TMEM132A: variants seen among roughly 807,000 people sequenced by gnomAD.
TMEM132A encodes GRP78-binding protein.
TMEM132A carries 48 observed loss-of-function variants against 69.9 expected under a neutral mutation model. The ratio of observed to expected loss-of-function variants is 0.69; its 90% CI spans 0.55 to 0.87. The LOEUF is 0.87. Among genes scored for constraint, TMEM132A ranks in the 40% least tolerant of loss-of-function variants. TMEM132A has a pLI of 0.00. For synonymous variants in TMEM132A, 577 were observed against 613.7 expected, an observed-to-expected ratio of 0.94 and a Z score of 0.88; for missense variants, 1,287 against 1,407.2, an observed-to-expected ratio of 0.91 and a Z score of 1.37.
At position 60,927,237 on chromosome 11, in the gene TMEM132A, A is replaced by G; in HGVS notation, c.134A>G (p.Tyr45Cys). Residue 45 changes from tyrosine to cysteine, a missense_variant, in exon 2 of 11, where the codon TAC becomes TGC. Tyr to Cys is a radical substitution (Grantham distance 194). Transcript: ENST00000453848. Reference protein sequence around the residue: ...DCGQAPLDPVYLPAALELLDA... With the variant: ...DCGQAPLDPVCLPAALELLDA... ...GGCCAGGCTCCCCTGGACCCTGTCTACCTGCCGGCAGCCCTGGAGCTCCTA... is the reference window on the plus strand; with the variant it reads ...GGCCAGGCTCCCCTGGACCCTGTCTGCCTGCCGGCAGCCCTGGAGCTCCTA... The G allele has an allele frequency of 6.2e-7, 1 of 1,613,316 alleles. No individual in the cohort carries two copies. The highest frequency in any genetic ancestry group is 8.5e-7 in the Non-Finnish European group (1 of 1,179,926).
chr11:60,934,498 C>T lies in TMEM132A; in HGVS notation c.1570C>T (p.Pro524Ser). Residue 524 changes from proline (P) to serine (S), a missense_variant, in exon 9 of 11, where the codon CCC becomes TCC. Coordinates refer to ENST00000453848, the MANE Select transcript of TMEM132A (RefSeq NM_178031.3). ...VPGPAEGPAE[P>S]AAEASDEAER... is the part of the protein sequence containing the mutation. ...CTCCCCGCCCTGCAGGCCTGCGGAACCCGCTGCAGAGGCGTCGGATGAGGC... is the reference window on the plus strand; with the variant it reads ...CTCCCCGCCCTGCAGGCCTGCGGAATCCGCTGCAGAGGCGTCGGATGAGGC... 1 of 1,392,206 alleles carries T rather than the reference C, an allele frequency of 7.2e-7. No homozygotes were observed. The highest frequency in any genetic ancestry group is 3.0e-5 in the East Asian group (1 of 33,750). 86.2% of individuals were successfully genotyped at this position (1,392,206 alleles called of 1,614,324 possible). A position where few individuals can be genotyped will look rare whatever the true frequency, so the allele number is the denominator to read the frequency against.
chr11:60,932,037 C>G lies in TMEM132A; in HGVS notation c.1266C>G (p.Pro422=). Reference sequence around the variant, plus strand: ...TGACTGGAGTGCCCCAGCATGTCCCCGTGCGCCTTGTCACTGTGGACGGCG... The same window carrying G: ...TGACTGGAGTGCCCCAGCATGTCCCGGTGCGCCTTGTCACTGTGGACGGCG... The part of the protein sequence containing the change: ...APLTGVPQHV[P]VRLVTVDGGG... Residue 422 remains proline, a synonymous_variant, in exon 7 of 11, where the codon CCC becomes CCG. Coordinates refer to ENST00000453848, the MANE Select transcript of TMEM132A (RefSeq NM_178031.3). 1 of 1,597,692 alleles carries G rather than the reference C, an allele frequency of 6.3e-7. No homozygotes were observed. The highest frequency in any genetic ancestry group is 8.5e-7 in the Non-Finnish European group (1 of 1,172,662).
intron 7 of TMEM132A, 75 bp downstream of exon 7, chr11:60,932,202 T>G: frequency 2.7e-6 from 4 of 1,455,910 alleles, no homozygotes; most frequent in Non-Finnish European, 3.6e-6. Context: ...CTTTCCTCCT[T>G]CCTCATGTGG....
rs1034671267 is a variant in TMEM132A at position 60,927,359 on chromosome 11, C to A, written c.256C>A (p.Pro86Thr). The part of the protein sequence containing the change: ...SRSETFLLLQ[P>T]WPRAQPLLRA... Reference sequence around the variant, plus strand: ...ATCTGAGACCTTTCTGCTCCTACAGCCCTGGCCCAGGGCCCAGCCACTTCT... The same window carrying A: ...ATCTGAGACCTTTCTGCTCCTACAGACCTGGCCCAGGGCCCAGCCACTTCT... Residue 86 changes from proline (P) to threonine (T), a missense_variant, in exon 2 of 11, where the codon CCC (proline) becomes ACC (threonine). Transcript: ENST00000453848. 2.5e-6 allele frequency: 4 copies of A among 1,613,374 alleles called. No homozygotes were observed. The highest frequency in any genetic ancestry group is 3.4e-6 in the Non-Finnish European group (4 of 1,180,018).
Position 60,926,727 on chromosome 11 carries a change from C to T in TMEM132A, c.101-477C>T, listed in dbSNP as rs1336199143. 5 of 234,626 alleles carry T rather than the reference C, an allele frequency of 2.1e-5. No homozygotes were observed. In the Admixed American group the frequency reaches 2.6e-4, roughly 12 times the overall value. The allele number at this position is 234,626 out of a possible 1,614,324, so 14.5% of individuals were successfully genotyped here. ...AGCTTGGAAAGATGGTGCAGGTTGCCATGGCAATGATGGGGGAGGAGGGGT... is the reference window on the plus strand; with the variant it reads ...AGCTTGGAAAGATGGTGCAGGTTGCTATGGCAATGATGGGGGAGGAGGGGT... On this transcript the variant is annotated intron_variant, in intron 1 of 10. Coordinates refer to ENST00000453848, the MANE Select transcript of TMEM132A (RefSeq NM_178031.3).
chr11:60,935,785 CCTATCT>C lies in TMEM132A; in HGVS notation c.2029-76_2029-71del. On this transcript the variant is annotated intron_variant, in intron 10 of 10. Coordinates refer to ENST00000453848, the MANE Select transcript of TMEM132A (RefSeq NM_178031.3). This position sits in a 1 kb window ranked among gnomAD's most constrained non-coding sequence, Gnocchi z 5.0. ...TCTCTCTGGTCTCTCCTCCATGTGGCCTATCTCTGTGGGAGTGGTTTCTCTGTGCAT... is the reference window on the plus strand; with the variant it reads ...TCTCTCTGGTCTCTCCTCCATGTGGCCTGTGGGAGTGGTTTCTCTGTGCAT... The C allele has an allele frequency of 6.7e-7, 1 of 1,503,266 alleles. No homozygotes were observed. The highest frequency in any genetic ancestry group is 1.2e-5 in the South Asian group (1 of 81,086). 93.1% of individuals were successfully genotyped at this position (1,503,266 alleles called of 1,614,324 possible).
chr11:60,935,470 A>G lies in TMEM132A; in HGVS notation c.2028+27A>G. The G allele has an allele frequency of 6.4e-7, 1 of 1,572,876 alleles. No homozygotes were observed. Among genetic ancestry groups the G allele is most frequent in the Non-Finnish European group, 8.6e-7 (1 of 1,157,814 alleles). On this transcript the variant is annotated intron_variant, in intron 10 of 10. Coordinates refer to ENST00000453848, the MANE Select transcript of TMEM132A (RefSeq NM_178031.3). This position sits in a 1 kb window ranked among gnomAD's most constrained non-coding sequence, Gnocchi z 5.0. ...TGACAGTTGGGGGGTCAGGGGGATG[A>G]GGTCAACATCTCCAGATGGGGGCTC...
rs1565124844 is a variant in TMEM132A at position 60,937,120 on chromosome 11, C to G, written c.*213C>G. ...GGCTCATGCCCCTTATTTATGGGAA[C>G]CATTTCATTCTAACAGAATAAACCG... On this transcript the variant is annotated 3_prime_UTR_variant, in exon 11 of 11. Coordinates refer to ENST00000453848, the MANE Select transcript of TMEM132A (RefSeq NM_178031.3). The G allele has an allele frequency of 2.0e-6, 3 of 1,499,814 alleles. No individual in the cohort carries two copies. The highest frequency in any genetic ancestry group is 2.7e-6 in the Non-Finnish European group (3 of 1,120,334). 92.9% of individuals were successfully genotyped at this position (1,499,814 alleles called of 1,614,324 possible). A position where few individuals can be genotyped will look rare whatever the true frequency, so the allele number is the denominator to read the frequency against.
At chr11:60,933,049 A>G (rs1365611032) in intron 7 of TMEM132A, 1 of 152,956 alleles carries the variant, frequency 6.5e-6, no homozygotes, top group Admixed American at 6.5e-5. Context: ...GTAAAATCTT[A>G]AACAAAGAAC....
Position 60,936,233 on chromosome 11 carries a change from A to G in TMEM132A, c.2398A>G (p.Ser800Gly). Residue 800 changes from serine to glycine, a missense_variant, in exon 11 of 11, where the codon AGT (serine) becomes GGT (glycine). Coordinates refer to ENST00000453848, the MANE Select transcript of TMEM132A (RefSeq NM_178031.3). Reference sequence around the variant, plus strand: ...GGGTGGTAAACGGCAGGTGGCAGGCAGTGTCGGGGGCAACACAGGTGTGAG... The same window carrying G: ...GGGTGGTAAACGGCAGGTGGCAGGCGGTGTCGGGGGCAACACAGGTGTGAG... The part of the protein sequence containing the change: ...TMGGKRQVAG[S>G]VGGNTGVRGK... 6.2e-7 allele frequency: 1 copy of G among 1,614,076 alleles called. No individual in the cohort carries two copies.
rs1351147003 is a variant in TMEM132A at position 60,935,211 on chromosome 11, G to C, written c.1837-41G>C. On this transcript the variant is annotated intron_variant, in intron 9 of 10. Transcript: ENST00000453848. This position sits in a 1 kb window ranked among gnomAD's most constrained non-coding sequence, Gnocchi z 5.0. Reference sequence around the variant, plus strand: ...GGTTCCCTCTGGGTGGGGGCTGTCTGTATGGAAGGCCCCCCACCTCCAGCT... The same window carrying C: ...GGTTCCCTCTGGGTGGGGGCTGTCTCTATGGAAGGCCCCCCACCTCCAGCT... The C allele has an allele frequency of 1.3e-6, 2 of 1,551,494 alleles. No individual in the cohort carries two copies. Among genetic ancestry groups the C allele is most frequent in the South Asian group, 1.2e-5 (1 of 85,016 alleles).
At position 60,934,500 on chromosome 11, in the gene TMEM132A, C is replaced by A; in HGVS notation, c.1572C>A (p.Pro524=). 4.3e-6 allele frequency: 6 copies of A among 1,399,496 alleles called. No individual in the cohort carries two copies. Among genetic ancestry groups the A allele is most frequent in the Non-Finnish European group, 5.5e-6 (6 of 1,085,396 alleles). 86.7% of individuals were successfully genotyped at this position (1,399,496 alleles called of 1,614,324 possible). A position where few individuals can be genotyped will look rare whatever the true frequency, so the allele number is the denominator to read the frequency against. Residue 524 remains proline, a synonymous_variant, in exon 9 of 11, where the codon CCC becomes CCA. Coordinates refer to ENST00000453848, the MANE Select transcript of TMEM132A (RefSeq NM_178031.3). ...CCCCGCCCTGCAGGCCTGCGGAACC[C>A]GCTGCAGAGGCGTCGGATGAGGCCG... ...VPGPAEGPAE[P]AAEASDEAER...
At chr11:60,927,957 CG>C in intron 3 of TMEM132A, 98 bp downstream of exon 3, 1 of 1,091,452 alleles carries the variant, frequency 9.2e-7, no homozygotes, top group East Asian at 2.6e-5. Flanking sequence ...CTGGGAAGCG[CG>C]GGGGTTGTGG....
intron 7 of TMEM132A, chr11:60,932,428 C>A (rs891600233): frequency 5.4e-5 from 15 of 277,220 alleles, no homozygotes; most frequent in Non-Finnish European, 9.4e-5. Context: ...TAGTTTGAAA[C>A]ACATCTTTGT....
rs555818018 is a variant in TMEM132A, at chr11:60,935,446, G to C, written c.2028+3G>C. The C allele has an allele frequency of 1.3e-6, 2 of 1,597,708 alleles. No homozygotes were observed. The highest frequency in any genetic ancestry group is 2.3e-5 in the South Asian group (2 of 88,322). ...CAGCCCTTCCCGCCCCAAAGCAGGT[G>C]ACAGTTGGGGGGTCAGGGGGATGAG... On this transcript the variant is annotated splice_donor_region_variant and intron_variant, in intron 10 of 10. Coordinates refer to ENST00000453848, the MANE Select transcript of TMEM132A (RefSeq NM_178031.3). The surrounding 1 kb of genome is among the most constrained non-coding windows in gnomAD (Gnocchi z 5.0).
intron 9 of TMEM132A, 80 bp downstream of exon 9, chr11:60,934,844 G>T: frequency 7.0e-7 from 1 of 1,425,476 alleles, no homozygotes; most frequent in South Asian, 1.4e-5. Context: ...TGGGAGTGAA[G>T]AGTGTGCCAG....
rs1490803619 is a variant in TMEM132A, at chr11:60,935,110, C to T, written c.1837-142C>T. 3 of 775,432 alleles carry T rather than the reference C, an allele frequency of 3.9e-6. No homozygotes were observed. Among genetic ancestry groups the T allele is most frequent in the South Asian group, 1.8e-5 (1 of 55,004 alleles). 48.0% of individuals were successfully genotyped at this position (775,432 alleles called of 1,614,324 possible). A position where few individuals can be genotyped will look rare whatever the true frequency, so the allele number is the denominator to read the frequency against. On this transcript the variant is annotated intron_variant, in intron 9 of 10. Transcript: ENST00000453848. This position sits in a 1 kb window ranked among gnomAD's most constrained non-coding sequence, Gnocchi z 5.0. ...GAGCCTGCTGGGAGTACCCGGTTCC[C>T]TCTGGGTGGGGGCTGTCCGTGGCGA...
chr11:60,935,860 A>AC lies in TMEM132A; in HGVS notation c.2029-3dup. 4 of 1,610,970 alleles carry AC rather than the reference A, an allele frequency of 2.5e-6. No individual in the cohort carries two copies. Among genetic ancestry groups the AC allele is most frequent in the Non-Finnish European group, 3.4e-6 (4 of 1,179,606 alleles). ...GTCTCTGCCTGTGTCTGTGTGCCCCACAGGAGGTGGCCCTCTCCCTATGGC... is the reference window on the plus strand; with the variant it reads ...GTCTCTGCCTGTGTCTGTGTGCCCCACCAGGAGGTGGCCCTCTCCCTATGGC... On this transcript the variant is annotated splice_polypyrimidine_tract_variant and splice_region_variant and intron_variant, in intron 10 of 10. Transcript: ENST00000453848. The surrounding 1 kb of genome is among the most constrained non-coding windows in gnomAD (Gnocchi z 5.0).
chr11:60,931,334 C>T (rs1856475951), intron 5 of TMEM132A, among the ~76,000 whole-genome samples: 1 of 152,144 alleles, frequency 6.6e-6, no homozygotes, highest in Admixed American at 6.5e-5. Flanking sequence ...GGTCCTGGGA[C>T]CTGGAAGTGA....
Sources: gnomAD v4.1 joint callset for allele counts (sites outside exome capture counted in the v4.1 genomes callset) on GRCh38, gnomAD v4.1.1 for gene constraint, Gnocchi (gnomAD v3.1) non-coding constraint, MANE v1.5 for transcripts, NCBI Gene and HGNC (gene_info 2026-07-23, HGNC 2026-07-21) for gene names.